Variants in RPS6KA1 observed in about 807,000 individuals in gnomAD.
RPS6KA1 encodes the protein ribosomal protein S6 kinase A1.
A neutral mutation model predicts 91.3 loss-of-function variants in RPS6KA1; 48 were observed. The ratio of observed to expected loss-of-function variants is 0.53; its 90% confidence interval spans 0.42 to 0.67. The LOEUF is 0.67. Among genes scored for constraint, RPS6KA1 ranks in the 30% least tolerant of loss-of-function variants. The probability of loss-of-function intolerance (pLI) is 0.00; values close to 1 mark genes in which losing one functional copy is unlikely to be tolerated. For missense variants in RPS6KA1, 719 were observed against 960.5 expected, an observed-to-expected ratio of 0.75 and a Z score of 3.32; for synonymous variants, 359 against 384.7, an observed-to-expected ratio of 0.93 and a Z score of 0.78.
Position 26,555,166 on chromosome 1 carries a change from G to C in RPS6KA1, c.772G>C (p.Gly258Arg). 1 of 1,614,136 alleles carries C rather than the reference G, an allele frequency of 6.2e-7. No individual in the cohort carries two copies. The highest frequency in any genetic ancestry group is 8.5e-7 in the Non-Finnish European group (1 of 1,179,996). Residue 258 changes from glycine to arginine, a missense_variant, in exon 10 of 22, where the codon GGC becomes CGC. Physicochemically the swap from Gly to Arg is moderately radical, Grantham distance 125. Transcript: ENST00000374168. This position sits in a 1 kb window ranked among gnomAD's most constrained non-coding sequence, Gnocchi z 4.3. ...YGVLMFEMLT[G>R]SLPFQGKDRK... ...TCCTCTGCAGTTTGAGATGCTGACG[G>C]GCTCCCTGCCCTTCCAGGGGAAGGA...
At chr1:26,539,454 C>G (rs2075930400) in intron 2 of RPS6KA1, among the ~76,000 whole-genome samples, 1 of 152,162 alleles carries the variant, frequency 6.6e-6, no homozygotes, top group African/African-American at 2.4e-5. Context: ...AGTTCAGAAT[C>G]CTGCACCTAT....
intron 1 of RPS6KA1, among the ~76,000 whole-genome samples, chr1:26,530,508 G>C (rs1557484999): frequency 6.6e-6 from 1 of 152,218 alleles, no homozygotes; most frequent in Non-Finnish European, 1.5e-5. Flanking sequence ...GGAACTCCTG[G>C]TTTTCTTTGC....
chr1:26,561,766 C>T lies in RPS6KA1; in HGVS notation c.1590+103C>T, dbSNP rs1478820218. The T allele has an allele frequency of 5.6e-6, 7 of 1,240,740 alleles. No individual in the cohort carries two copies. Among genetic ancestry groups the T allele is most frequent in the Non-Finnish European group, 6.7e-6 (6 of 891,072 alleles). The allele number at this position is 1,240,740 out of a possible 1,614,324, so 76.9% of individuals were successfully genotyped here. ...CCCAGGAATGGCAGCCTCCAGCTAG[C>T]CAAACTGAGGGGACACTAGGGCTGG... On this transcript the variant is annotated intron_variant, in intron 17 of 21. Transcript: ENST00000374168. This position sits in a 1 kb window ranked among gnomAD's most constrained non-coding sequence, Gnocchi z 5.7.
At chr1:26,535,736 G>C (rs72651536) in intron 1 of RPS6KA1, among the ~76,000 whole-genome samples, 33,713 of 151,972 alleles carry the variant, frequency 0.22, 4,406 homozygotes, top group Middle Eastern at 0.31. Context: ...ACCAGATTTT[G>C]AATCCCCACT....
At chr1:26,530,596 C>G in intron 1 of RPS6KA1, 1 of 385,610 alleles carries the variant, frequency 2.6e-6, no homozygotes, top group South Asian at 2.3e-5. Context: ...GCCCTTAGAC[C>G]TTGTGAAGAT....
At chr1:26,565,491 C>G (rs1455474785) in intron 17 of RPS6KA1, among the ~76,000 whole-genome samples, 1 of 152,094 alleles carries the variant, frequency 6.6e-6, no homozygotes, top group East Asian at 1.9e-4. Flanking sequence ...CTGAGGATAA[C>G]CATCCTAAGC....
chr1:26,539,672 G>A (rs1169154013), intron 2 of RPS6KA1, among the ~76,000 whole-genome samples: 6 of 152,162 alleles, frequency 3.9e-5, no homozygotes, highest in South Asian at 2.1e-4. Context: ...GGCAGAAAGC[G>A]GGATTTGGGA....
chr1:26,559,894 A>AGACC (rs1429593149), intron 14 of RPS6KA1, among the ~76,000 whole-genome samples: 1 of 152,132 alleles, frequency 6.6e-6, no homozygotes, highest in Non-Finnish European at 1.5e-5. Flanking sequence ...GAATTTAAAC[A>AGACC]GACCCATCTG....
chr1:26,530,093 C>G (rs1382305669), intron 1 of RPS6KA1, 110 bp downstream of exon 1: 5 of 620,820 alleles, frequency 8.1e-6, no homozygotes, highest in Non-Finnish European at 1.1e-5. Flanking sequence ...CGCGAGGGCG[C>G]GAGTGCCCTC....
intron 2 of RPS6KA1, among the ~76,000 whole-genome samples, chr1:26,537,904 A>G (rs934284169): frequency 9.2e-5 from 14 of 152,238 alleles, no homozygotes; most frequent in African/African-American, 1.4e-4. Context: ...TGCCTGGCAC[A>G]TGGCAGCTTC....
chr1:26,565,586 G>A (rs1311021254), intron 17 of RPS6KA1, among the ~76,000 whole-genome samples: 1 of 116,592 alleles, frequency 8.6e-6, no homozygotes, highest in Non-Finnish European at 1.8e-5. Context: ...TTGAGATGGA[G>A]TTTTGCTCTT....
In RPS6KA1 at chr1:26,547,806, G is replaced by A. The variant is rs573476257; in HGVS notation, c.307+536G>A. ...GATGGTTGGTAGTGGGCTTTGGGTT[G>A]GATACTGACCACTTGGCCTGGGAAC... On this transcript the variant is annotated intron_variant, in intron 4 of 21. Coordinates refer to ENST00000374168, the MANE Select transcript of RPS6KA1 (RefSeq NM_002953.4). The surrounding 1 kb of genome is among the most constrained non-coding windows in gnomAD (Gnocchi z 4.1). Among the ~76,000 whole-genome samples, 2 of 152,196 alleles carry A rather than the reference G, an allele frequency of 1.3e-5. No individual in the cohort carries two copies. Among genetic ancestry groups the A allele is most frequent in the Admixed American group, 1.3e-4 (2 of 15,288 alleles).
At position 26,558,092 on chromosome 1, in the gene RPS6KA1, C is replaced by T. The variant is rs1214155777; in HGVS notation, c.1085-715C>T. ...GATCCACAAGGGGGTGCTTTTCTCA[C>T]TGCACTTGCACGCCTCTGATGACAG... On this transcript the variant is annotated intron_variant, in intron 13 of 21. Transcript: ENST00000374168. This position sits in a 1 kb window ranked among gnomAD's most constrained non-coding sequence, Gnocchi z 4.0. 2.0e-5 allele frequency among the ~76,000 whole-genome samples: 3 copies of T among 152,092 alleles called. No homozygotes were observed. The highest frequency in any genetic ancestry group is 6.6e-5 in the Admixed American group (1 of 15,262).
chr1:26,560,956 GTGGCCGAGACCTCCTGGCCTGCTCCA>G, intron 15 of RPS6KA1, 63 bp from the exon 16 acceptor site: 1 of 1,601,616 alleles, frequency 6.2e-7, no homozygotes, highest in Non-Finnish European at 8.5e-7. Context: ...TGAAAGGTGT[GTGGCCGAGACCTCCTGGCCTGCTCCA>G]TGGCCAGAAA....
At chr1:26,565,033 G>T (rs1291862280) in intron 17 of RPS6KA1, among the ~76,000 whole-genome samples, 1 of 152,218 alleles carries the variant, frequency 6.6e-6, no homozygotes, top group Non-Finnish European at 1.5e-5. Flanking sequence ...TTCCACTAGG[G>T]ATGTGCAAAG....
At position 26,555,234 on chromosome 1, in the gene RPS6KA1, C is replaced by T; in HGVS notation, c.827+13C>T. 2 of 1,613,786 alleles carry T rather than the reference C, an allele frequency of 1.2e-6. No individual in the cohort carries two copies. The highest frequency in any genetic ancestry group is 1.7e-6 in the Non-Finnish European group (2 of 1,179,728). ...CACTGATTCTGAAGTAAGCCCCAGC[C>T]CTGCCCTGATAACAATGGACTCCTC... On this transcript the variant is annotated intron_variant, in intron 10 of 21. Coordinates refer to ENST00000374168, the MANE Select transcript of RPS6KA1 (RefSeq NM_002953.4). This position sits in a 1 kb window ranked among gnomAD's most constrained non-coding sequence, Gnocchi z 4.3.
Position 26,551,319 on chromosome 1 carries a change from G to A in RPS6KA1, c.308-78G>A. ...CAGGCCTGGAGGAACAAGTGGAAAA[G>A]AGATCCCTTAGCGGGGGCTTGGGAG... is the stretch of plus-strand genomic sequence containing the variant. On this transcript the variant is annotated intron_variant, in intron 4 of 21. Coordinates refer to ENST00000374168, the MANE Select transcript of RPS6KA1 (RefSeq NM_002953.4). The surrounding 1 kb of genome is among the most constrained non-coding windows in gnomAD (Gnocchi z 4.5). 7.7e-7 allele frequency: 1 copy of A among 1,290,926 alleles called. No homozygotes were observed. Among genetic ancestry groups the A allele is most frequent in the South Asian group, 1.2e-5 (1 of 82,336 alleles). 80.0% of individuals were successfully genotyped at this position (1,290,926 alleles called of 1,614,324 possible).
rs115857538 is a variant in RPS6KA1, at chr1:26,574,021, A to T, written c.2086-58A>T. ...GGGCTGGCCTACCCTTGGGGCATGG[A>T]TCCCCTCCCCGCTACATCTCCCACC... is the stretch of plus-strand genomic sequence containing the variant. On this transcript the variant is annotated intron_variant, in intron 21 of 21. Coordinates refer to ENST00000374168, the MANE Select transcript of RPS6KA1 (RefSeq NM_002953.4). This position sits in a 1 kb window ranked among gnomAD's most constrained non-coding sequence, Gnocchi z 4.3. The T allele has an allele frequency of 6.3e-7, 1 of 1,579,448 alleles. No individual in the cohort carries two copies. Among genetic ancestry groups the T allele is most frequent in the Admixed American group, 1.7e-5 (1 of 58,180 alleles).
At chr1:26,534,270 G>C (rs2075890231) in intron 1 of RPS6KA1, among the ~76,000 whole-genome samples, 1 of 152,196 alleles carries the variant, frequency 6.6e-6, no homozygotes, top group African/African-American at 2.4e-5. Flanking sequence ...TCTTTGCTGG[G>C]TTGAACTTTC....
Sources: allele counts gnomAD v4.1 joint callset (sites outside exome capture counted in the v4.1 genomes callset), GRCh38; gene constraint gnomAD v4.1.1; non-coding constraint Gnocchi (gnomAD v3.1); transcripts MANE v1.5; gene names NCBI Gene and HGNC (gene_info 2026-07-23, HGNC 2026-07-21).